The following NCAM1 variants were observed in gnomAD, a reference collection of about 807,000 sequenced individuals.
The protein encoded by NCAM1 is neural cell adhesion molecule 1.
NCAM1 carries 14 observed loss-of-function variants against 109.8 expected under a neutral mutation model. The observed-to-expected ratio is 0.13, with a 90% CI of 0.08 to 0.20. The LOEUF is 0.20. Ranked by LOEUF, NCAM1 falls within the 10% of genes least tolerant of loss-of-function variation. The pLI, the probability that NCAM1 is intolerant of heterozygous loss-of-function variation, is 1.00. For missense variants in NCAM1, 774 were observed against 1,109.9 expected, an observed-to-expected ratio of 0.70 and a Z score of 4.30; for synonymous variants, 418 against 442.9, an observed-to-expected ratio of 0.94 and a Z score of 0.70.
intron 9 of NCAM1, among the ~76,000 whole-genome samples, chr11:113,227,713 C>T (rs1162403230): frequency 2.0e-5 from 3 of 152,172 alleles, no homozygotes; most frequent in African/African-American, 7.2e-5. Context: ...ATCCAGCAAA[C>T]ACATCAAAAA....
At chr11:112,989,270 G>A (rs1230675798) in intron 1 of NCAM1, among the ~76,000 whole-genome samples, 1 of 151,936 alleles carries the variant, frequency 6.6e-6, no homozygotes, top group Non-Finnish European at 1.5e-5. Context: ...GTGTCCCATA[G>A]GCCCCTTATC....
intron 1 of NCAM1, among the ~76,000 whole-genome samples, chr11:113,067,824 G>T (rs1225698622): frequency 2.0e-5 from 3 of 152,064 alleles, no homozygotes; most frequent in African/African-American, 7.2e-5. Flanking sequence ...AAGTTAAAGG[G>T]CTGTCTCTAT....
intron 1 of NCAM1, among the ~76,000 whole-genome samples, chr11:113,163,426 G>A (rs1409510293): frequency 6.6e-6 from 1 of 152,152 alleles, no homozygotes; most frequent in African/African-American, 2.4e-5. Context: ...TCACAGTTTT[G>A]ACCTCTGTGG....
At chr11:112,988,143 C>T (rs1025614663) in intron 1 of NCAM1, among the ~76,000 whole-genome samples, 18 of 152,062 alleles carry the variant, frequency 1.2e-4, no homozygotes, top group Non-Finnish European at 2.5e-4. Flanking sequence ...ACAAACTTAA[C>T]TTTGATTGCA....
At chr11:113,010,739 A>C (rs1422337622) in intron 1 of NCAM1, among the ~76,000 whole-genome samples, 2 of 152,226 alleles carry the variant, frequency 1.3e-5, no homozygotes, top group African/African-American at 4.8e-5. Flanking sequence ...CAAGTAATAC[A>C]TATTGAGTGT....
rs576882981 is a variant in NCAM1 at position 113,212,293 on chromosome 11, C to T, written c.917-2076C>T. ...ATTAAATTATCAGTGGGAAGCTTCC[C>T]TTCCTTCCCACAGCACTCTGTAGAC... On this transcript the variant is annotated intron_variant, in intron 7 of 19. Transcript: ENST00000316851. Among the ~76,000 whole-genome samples the T allele has an allele frequency of 2.3e-3, 353 of 152,296 alleles. 10 individuals are homozygous for T. The highest frequency in any genetic ancestry group is 0.022 in the South Asian group (107 of 4,820).
chr11:112,981,986 A>G (rs1951166550), intron 1 of NCAM1, among the ~76,000 whole-genome samples: 1 of 151,912 alleles, frequency 6.6e-6, no homozygotes, highest in South Asian at 2.1e-4. Flanking sequence ...GTTCAGACAG[A>G]CAGCTTATTT....
At chr11:113,191,725 A>G (rs1943680244) in intron 1 of NCAM1, among the ~76,000 whole-genome samples, 2 of 151,458 alleles carry the variant, frequency 1.3e-5, no homozygotes, top group African/African-American at 4.9e-5. Flanking sequence ...ACATGTACAT[A>G]CATAGATATA....
chr11:113,042,887 G>C (rs573959130), intron 1 of NCAM1, among the ~76,000 whole-genome samples: 6 of 152,118 alleles, frequency 3.9e-5, no homozygotes, highest in Non-Finnish European at 5.9e-5. Flanking sequence ...GCTCCAGAAA[G>C]TGTCCTTGAC....
intron 1 of NCAM1, among the ~76,000 whole-genome samples, chr11:112,984,465 C>A (rs1555069248): frequency 6.6e-6 from 1 of 151,698 alleles, no homozygotes; most frequent in African/African-American, 2.4e-5. Flanking sequence ...CTCTAGGAAC[C>A]CCCATTCTGT....
chr11:113,001,308 G>T (rs1458152780), intron 1 of NCAM1, among the ~76,000 whole-genome samples: 2 of 152,166 alleles, frequency 1.3e-5, no homozygotes, highest in Non-Finnish European at 2.9e-5. Flanking sequence ...TGAAATGCTT[G>T]CCCTAGTTCA....
intron 1 of NCAM1, among the ~76,000 whole-genome samples, chr11:112,979,531 A>G (rs1325840112): frequency 1.3e-5 from 2 of 151,894 alleles, no homozygotes; most frequent in Non-Finnish European, 2.9e-5. Flanking sequence ...GAAACTGGTT[A>G]ACATCAGGTT....
intron 1 of NCAM1, among the ~76,000 whole-genome samples, chr11:113,121,153 T>C (rs1940936961): frequency 6.6e-6 from 1 of 151,234 alleles, no homozygotes; most frequent in Non-Finnish European, 1.5e-5. Flanking sequence ...ATTAGGGGGG[T>C]GGCCTCCTTA....
intron 1 of NCAM1, among the ~76,000 whole-genome samples, chr11:113,000,240 A>T (rs1555072164): frequency 6.6e-6 from 1 of 152,228 alleles, no homozygotes; most frequent in African/African-American, 2.4e-5. Context: ...CATGATGAGT[A>T]AAAAGGAAGT....
chr11:113,085,200 T>A (rs1363603677), intron 1 of NCAM1, among the ~76,000 whole-genome samples: 1 of 152,242 alleles, frequency 6.6e-6, no homozygotes, highest in African/African-American at 2.4e-5. Context: ...CTGATACAGA[T>A]GTTGGCCTGT....
chr11:113,270,171 T>C lies in NCAM1; in HGVS notation c.2132-17T>C. 2 of 1,613,398 alleles carry C rather than the reference T, an allele frequency of 1.2e-6. No individual in the cohort carries two copies. The highest frequency in any genetic ancestry group is 1.7e-6 in the Non-Finnish European group (2 of 1,179,576). The stretch of plus-strand genomic sequence containing the variant: ...ATCTCAGTCTGTTAACCACCAGCCA[T>C]CTCTCTCCCACTCAAGCCAACGGCA... On this transcript the variant is annotated splice_polypyrimidine_tract_variant and intron_variant, in intron 17 of 19. Coordinates refer to ENST00000316851, the MANE Select transcript of NCAM1 (RefSeq NM_181351.5).
chr11:113,206,803 A>T (rs570143343), intron 5 of NCAM1, among the ~76,000 whole-genome samples: 15 of 152,342 alleles, frequency 9.8e-5, no homozygotes, highest in Admixed American at 2.6e-4. Flanking sequence ...GTCCCAGAGA[A>T]ATGGCACTCT....
intron 1 of NCAM1, among the ~76,000 whole-genome samples, chr11:112,995,061 C>CT (rs1951558372): frequency 6.6e-6 from 1 of 152,062 alleles, no homozygotes. Flanking sequence ...TCTTACTTAT[C>CT]TTTTTATATA....
intron 1 of NCAM1, among the ~76,000 whole-genome samples, chr11:113,118,742 A>G (rs943945728): frequency 9.9e-6 from 1 of 101,262 alleles, no homozygotes; most frequent in Non-Finnish European, 2.1e-5. Flanking sequence ...AAACGAATCT[A>G]TACAGAAAAA....
Sources: allele counts gnomAD v4.1 joint callset (sites outside exome capture counted in the v4.1 genomes callset), GRCh38; gene constraint gnomAD v4.1.1; transcripts MANE v1.5; gene names NCBI Gene and HGNC (gene_info 2026-07-23, HGNC 2026-07-21).